The following AMOT variants were observed in gnomAD, a reference collection of about 807,000 sequenced individuals.
The protein encoded by AMOT is angiomotin.
A neutral mutation model predicts 67.0 loss-of-function variants in AMOT; 11 were observed. The ratio of observed to expected loss-of-function variants is 0.16; its 90% CI spans 0.10 to 0.27. The LOEUF (loss-of-function observed/expected upper bound fraction) is 0.27. AMOT is among the 10% of genes least tolerant of loss of function. The probability of loss-of-function intolerance (pLI) is 1.00; values close to 1 mark genes in which losing one functional copy is unlikely to be tolerated. For missense variants in AMOT, 753 were observed against 852.0 expected, an observed-to-expected ratio of 0.88 and a Z score of 1.45; for synonymous variants, 326 against 321.4, an observed-to-expected ratio of 1.01 and a Z score of -0.15.
intron 8 of AMOT, among the ~76,000 whole-genome samples, chrX:112,799,945 A>G (rs1746969382): frequency 8.9e-6 from 1 of 112,026 alleles, no homozygotes; most frequent in Non-Finnish European, 1.9e-5. Context: ...ACCTAAAAGT[A>G]AATACGGCCA....
intron 2 of AMOT, among the ~76,000 whole-genome samples, chrX:112,828,592 C>T (rs1284327294): frequency 9.2e-6 from 1 of 108,962 alleles, no homozygotes; most frequent in African/African-American, 3.4e-5. Flanking sequence ...TTATTTGCAA[C>T]TCAGTCTACT....
chrX:112,811,319 T>C lies in AMOT; in HGVS notation c.1467A>G (p.Leu489=). ...LVKSSSKREA[L]EKAMRNKLEG... ...CTAGCTTGTTTCTCATGGCTTTCTC[T>C]AGGGCCTCTCTTTTGGAGGATGACT... Residue 489 remains leucine, a synonymous_variant, in exon 6 of 14, where the codon CTA becomes CTG. Coordinates refer to ENST00000371959, the MANE Select transcript of AMOT (RefSeq NM_001113490.2). 8.3e-7 allele frequency: 1 copy of C among 1,211,496 alleles called. No homozygotes were observed. The highest frequency in any genetic ancestry group is 1.1e-6 in the Non-Finnish European group (1 of 895,323).
At chrX:112,819,496 T>C (rs1934658270) in intron 4 of AMOT, 1 of 556,248 alleles carries the variant, frequency 1.8e-6, no homozygotes, top group African/African-American at 2.5e-5. Context: ...ACCTCAGATC[T>C]GGGCATGATT....
intron 2 of AMOT, among the ~76,000 whole-genome samples, chrX:112,828,830 T>A (rs555956862): frequency 8.9e-6 from 1 of 112,683 alleles, no homozygotes; most frequent in African/African-American, 3.2e-5. Flanking sequence ...ATTTATTACA[T>A]AGAATTGACC....
At chrX:112,806,035 C>T (rs1860234997) in intron 7 of AMOT, among the ~76,000 whole-genome samples, 1 of 110,268 alleles carries the variant, frequency 9.1e-6, no homozygotes, top group South Asian at 3.9e-4. Flanking sequence ...TGGGAGGCTG[C>T]GGTGGGCGGA....
chrX:112,785,493 G>A (rs989624153), intron 10 of AMOT, among the ~76,000 whole-genome samples: 2 of 112,035 alleles, frequency 1.8e-5, no homozygotes, highest in Non-Finnish European at 3.8e-5. Flanking sequence ...GCATGGATAA[G>A]ACTAGTCCTT....
intron 1 of AMOT, among the ~76,000 whole-genome samples, chrX:112,832,636 C>G (rs1016930051): frequency 8.9e-6 from 1 of 112,156 alleles, no homozygotes; most frequent in Non-Finnish European, 1.9e-5. Context: ...CTGAAACACT[C>G]TAACAGTATC....
At chrX:112,828,623 T>C (rs187949264) in intron 2 of AMOT, among the ~76,000 whole-genome samples, 2 of 110,475 alleles carry the variant, frequency 1.8e-5, no homozygotes, top group East Asian at 2.8e-4. Context: ...CCTTAGATCA[T>C]TGAAAGCCAG....
At chrX:112,815,165 G>A (rs1239801279) in intron 5 of AMOT, among the ~76,000 whole-genome samples, 193 bp downstream of exon 5, 12 of 111,528 alleles carry the variant, frequency 1.1e-4, no homozygotes, top group Admixed American at 2.9e-4. Context: ...AATGTAAGAC[G>A]TTACTTCTCC....
Position 112,814,658 on chromosome X carries a change from T to TTCAC in AMOT, c.1392+699_1392+700insGTGA, listed in dbSNP as rs1195338751. 3.6e-5 allele frequency among the ~76,000 whole-genome samples: 4 copies of TTCAC among 112,290 alleles called. No homozygotes were observed. The East Asian group carries it at 1.1e-3, about 31-fold the overall frequency. On this transcript the variant is annotated intron_variant, in intron 5 of 13. Coordinates refer to ENST00000371959, the MANE Select transcript of AMOT (RefSeq NM_001113490.2). ...CCCAATGGGGGTGGGCAGAGAAGAA[T>TTCAC]GTGAACTGGAGATACACTCCTTTTT...
intron 1 of AMOT, among the ~76,000 whole-genome samples, chrX:112,836,106 A>C (rs1935124832): frequency 8.9e-6 from 1 of 112,032 alleles, no homozygotes; most frequent in Non-Finnish European, 1.9e-5. Context: ...TCCATGCTAC[A>C]AAACAAGTAT....
At chrX:112,820,953 G>C (rs1934697627) in intron 4 of AMOT, among the ~76,000 whole-genome samples, 1 of 104,795 alleles carries the variant, frequency 9.5e-6, no homozygotes, top group African/African-American at 3.7e-5. Context: ...TGGGTTAAGA[G>C]GGAAAAAAAA....
In AMOT at chrX:112,822,695, C is replaced by A; in HGVS notation, c.432G>T (p.Glu144Asp). The change falls in exon 4 of 14, where the codon GAG (glutamate) becomes GAT (aspartate). Residue 144 changes from glutamate (E) to aspartate (D), a missense_variant. Coordinates refer to ENST00000371959, the MANE Select transcript of AMOT (RefSeq NM_001113490.2). ...TGVTNQKMRT[E>D]GRPSVQRLNP... ...TGAGCCGCTGAACTGATGGGCGTCC[C>A]TCAGTCCTCATCTTCTGGTTGGTGA... 8.6e-7 allele frequency: 1 copy of A among 1,166,384 alleles called. No individual in the cohort carries two copies.
At chrX:112,826,589 T>C (rs887782864) in intron 2 of AMOT, among the ~76,000 whole-genome samples, 2 of 112,168 alleles carry the variant, frequency 1.8e-5, no homozygotes, top group African/African-American at 6.5e-5. Context: ...TTAACAGAGC[T>C]ATGGTACATA....
At chrX:112,833,172 C>T (rs375755152) in intron 1 of AMOT, among the ~76,000 whole-genome samples, 16 of 111,644 alleles carry the variant, frequency 1.4e-4, no homozygotes, top group African/African-American at 4.6e-4. Context: ...TAAAGTGATG[C>T]GGGGAAAGGA....
Position 112,811,292 on chromosome X carries a change from C to A in AMOT, c.1494G>T (p.Glu498Asp). The A allele has an allele frequency of 8.3e-7, 1 of 1,211,520 alleles. No individual in the cohort carries two copies. The highest frequency in any genetic ancestry group is 1.7e-5 in the African/African-American group (1 of 57,718). ...AATCATGCATCCTCCGAATCTCGCC[C>A]TCTAGCTTGTTTCTCATGGCTTTCT... is the stretch of plus-strand genomic sequence containing the variant. ...ALEKAMRNKL[E>D]GEIRRMHDFN... The change falls in exon 6 of 14, where the codon GAG becomes GAT. Residue 498 changes from glutamate to aspartate, a missense_variant. By Grantham distance (45) the Glu-to-Asp change is conservative. Coordinates refer to ENST00000371959, the MANE Select transcript of AMOT (RefSeq NM_001113490.2).
Position 112,779,166 on chromosome X carries a change from A to T in AMOT, c.2988T>A (p.Ser996=), listed in dbSNP as rs752058575. 7.8e-6 allele frequency: 7 copies of T among 893,551 alleles called. No homozygotes were observed. The highest frequency in any genetic ancestry group is 4.4e-5 in the Admixed American group (2 of 45,240). The allele number at this position is 893,551 out of a possible 1,213,427, so 73.6% of individuals were successfully genotyped here. A position where few individuals can be genotyped will look rare whatever the true frequency, so the allele number is the denominator to read the frequency against. The change falls in exon 13 of 14, where the codon TCT becomes TCA. Residue 996 remains serine, a synonymous_variant. Transcript: ENST00000371959. Reference sequence around the variant, plus strand: ...TTGGTGCCTGAGTCTGAGCAGGAGCAGAAGCCTGAGCCGCTGCTGGAGCTG... The same window carrying T: ...TTGGTGCCTGAGTCTGAGCAGGAGCTGAAGCCTGAGCCGCTGCTGGAGCTG... ...PVPAPAAAQA[S]APAQTQAPTS...
Position 112,779,021 on chromosome X carries a change from A to G in AMOT, c.3133T>C (p.Leu1045=). ...PGPHRLSIPS[L]TCNPDKTDGP... Reference sequence around the variant, plus strand: ...CCTGTTTTGTCTGGATTGCAGGTCAAACTTGGTATAGACAAACGATGTGGT... The same window carrying G: ...CCTGTTTTGTCTGGATTGCAGGTCAGACTTGGTATAGACAAACGATGTGGT... The change falls in exon 13 of 14, where the codon TTG becomes CTG. Residue 1045 remains leucine (L), a synonymous_variant. Transcript: ENST00000371959. The G allele has an allele frequency of 8.3e-7, 1 of 1,211,696 alleles. No homozygotes were observed. Among genetic ancestry groups the G allele is most frequent in the South Asian group, 1.8e-5 (1 of 56,971 alleles).
At chrX:112,831,385 A>G (rs1014619737) in intron 2 of AMOT, among the ~76,000 whole-genome samples, 2 of 109,747 alleles carry the variant, frequency 1.8e-5, no homozygotes, top group African/African-American at 6.6e-5. Context: ...CAAATTTTCC[A>G]TAAACTTTTA....
Sources: gnomAD v4.1 joint callset for allele counts (sites outside exome capture counted in the v4.1 genomes callset) on GRCh38, gnomAD v4.1.1 for gene constraint, MANE v1.5 for transcripts, NCBI Gene and HGNC (gene_info 2026-07-23, HGNC 2026-07-21) for gene names.